Variants in RASGRF1 observed in about 807,000 individuals in gnomAD.
RASGRF1 encodes Ras protein specific guanine nucleotide releasing factor 1, also known as ras-specific guanine nucleotide-releasing factor 1.
In RASGRF1, 40 loss-of-function variants were observed where a neutral mutation model predicts 138.7. That is an observed-to-expected ratio of 0.29 (90% CI 0.22 to 0.38). RASGRF1 has a LOEUF of 0.38. Ranked by LOEUF, RASGRF1 falls within the 10% of genes least tolerant of loss-of-function variation. The pLI, the probability that RASGRF1 is intolerant of heterozygous loss-of-function variation, is 1.00. For missense variants in RASGRF1, 1,108 were observed against 1,650.4 expected, an observed-to-expected ratio of 0.67 and a Z score of 5.69; for synonymous variants, 614 against 663.2, an observed-to-expected ratio of 0.93 and a Z score of 1.14.
At chr15:78,971,786 A>G (rs1174074474) in intron 26 of RASGRF1, 80 bp downstream of exon 26, 12 of 1,283,258 alleles carry the variant, frequency 9.4e-6, no homozygotes, top group Non-Finnish European at 1.3e-5. Context: ...GTGGACGGGT[A>G]TGGAGGGGAC....
intron 8 of RASGRF1, among the ~76,000 whole-genome samples, chr15:79,029,403 G>A (rs910650409): frequency 2.6e-5 from 4 of 152,168 alleles, no homozygotes; most frequent in African/African-American, 7.2e-5. Context: ...AACACAAGGC[G>A]GGTAATTCCA....
intron 19 of RASGRF1, among the ~76,000 whole-genome samples, 163 bp from the exon 20 acceptor site, chr15:78,995,963 T>C (rs2056383295): frequency 6.6e-6 from 1 of 152,208 alleles, no homozygotes; most frequent in African/African-American, 2.4e-5. Context: ...TTCTTCCTGA[T>C]GGTCCTGGCG....
chr15:79,012,617 T>C, intron 13 of RASGRF1: 2 of 1,535,922 alleles, frequency 1.3e-6, no homozygotes, highest in South Asian at 1.2e-5. Flanking sequence ...TTTATCACCA[T>C]CATTATTCAA....
At chr15:79,015,249 C>T (rs2056862078) in intron 13 of RASGRF1, 78 bp downstream of exon 13, 1 of 1,417,338 alleles carries the variant, frequency 7.1e-7, no homozygotes, top group Non-Finnish European at 1.0e-6. Context: ...GCTGGCTCAT[C>T]CCAGTGTCCT....
intron 26 of RASGRF1, among the ~76,000 whole-genome samples, chr15:78,962,844 C>T (rs2055573550): frequency 6.6e-6 from 1 of 152,166 alleles, no homozygotes; most frequent in African/African-American, 2.4e-5. Flanking sequence ...GTTCACACCA[C>T]TGTACCCCAG....
chr15:78,989,513 G>A (rs2056227032), intron 22 of RASGRF1, among the ~76,000 whole-genome samples: 1 of 152,066 alleles, frequency 6.6e-6, no homozygotes, highest in African/African-American at 2.4e-5. Flanking sequence ...ACATTAAAGA[G>A]AATGTTTAAT....
At chr15:79,023,475 T>C (rs78316304) in intron 10 of RASGRF1, among the ~76,000 whole-genome samples, 1 of 151,982 alleles carries the variant, frequency 6.6e-6, no homozygotes, top group East Asian at 1.9e-4. Context: ...AGACAAGTAG[T>C]GGGCTGTGTC....
intron 5 of RASGRF1, among the ~76,000 whole-genome samples, chr15:79,043,720 T>G (rs528291026): frequency 5.5e-4 from 84 of 152,298 alleles, no homozygotes; most frequent in South Asian, 1.2e-3. Context: ...TAAGGGAGCT[T>G]CTCAGGCTGA....
intron 5 of RASGRF1, among the ~76,000 whole-genome samples, chr15:79,040,256 C>A (rs1012698933): frequency 1.4e-4 from 22 of 152,082 alleles, no homozygotes; most frequent in African/African-American, 5.3e-4. Flanking sequence ...ATCCCTATAT[C>A]TACTCCATCA....
At chr15:79,083,106 G>A (rs1244155241) in intron 1 of RASGRF1, among the ~76,000 whole-genome samples, 1 of 152,202 alleles carries the variant, frequency 6.6e-6, no homozygotes, top group Non-Finnish European at 1.5e-5. Flanking sequence ...AGGATCTAAT[G>A]CCGGGTCGCC....
In RASGRF1 at chr15:78,971,929, G is replaced by A; in HGVS notation, c.3618C>T (p.Ser1206=). The part of the protein sequence containing the change: ...LVNFSKMRMI[S]HIIREIRQFQ... ...ACTGGCGAATCTCTCGGATAATATG[G>A]GATATCTGTGGGAAGGAAGGAGTGT... Residue 1206 remains serine, a synonymous_variant, in exon 26 of 27, where the codon TCC becomes TCT. Coordinates refer to ENST00000558480, the MANE Select transcript of RASGRF1 (RefSeq NM_001145648.3). The A allele has an allele frequency of 6.3e-7, 1 of 1,578,520 alleles. No individual in the cohort carries two copies. Among genetic ancestry groups the A allele is most frequent in the Non-Finnish European group, 8.7e-7 (1 of 1,147,630 alleles).
rs778149026 is a variant in RASGRF1, at chr15:79,006,263, G to A, written c.1998C>T (p.Arg666=). Reference sequence around the variant, plus strand: ...GGACCACGATGGCGGTGGTGAAGACGCGGTAGGAGTGCAGGAAGGTGTTGA... The same window carrying A: ...GGACCACGATGGCGGTGGTGAAGACACGGTAGGAGTGCAGGAAGGTGTTGA... ...DFLNTFLHSY[R]VFTTAIVVLD... is the part of the protein sequence containing the mutation. The change falls in exon 14 of 27, where the codon CGC becomes CGT. Residue 666 remains arginine, a synonymous_variant. Coordinates refer to ENST00000558480, the MANE Select transcript of RASGRF1 (RefSeq NM_001145648.3). The surrounding 1 kb of genome is among the most constrained non-coding windows in gnomAD (Gnocchi z 4.0). 1.7e-5 allele frequency: 27 copies of A among 1,614,078 alleles called. No individual in the cohort carries two copies. The highest frequency in any genetic ancestry group is 4.4e-5 in the South Asian group (4 of 91,086).
In RASGRF1 at chr15:79,006,067, C is replaced by A; in HGVS notation, c.2075+119G>T. Reference sequence around the variant, plus strand: ...CGGTGTGTGTCCCGCAGCACCCCAACACGTTACTGCTGCTCCTCCAGGGAC... The same window carrying A: ...CGGTGTGTGTCCCGCAGCACCCCAAAACGTTACTGCTGCTCCTCCAGGGAC... On this transcript the variant is annotated intron_variant, in intron 14 of 26. Transcript: ENST00000558480. The surrounding 1 kb of genome is among the most constrained non-coding windows in gnomAD (Gnocchi z 4.0). 2 of 1,417,168 alleles carry A rather than the reference C, an allele frequency of 1.4e-6. No homozygotes were observed. Among genetic ancestry groups the A allele is most frequent in the African/African-American group, 1.4e-5 (1 of 71,116 alleles). The allele number at this position is 1,417,168 out of a possible 1,614,324, so 87.8% of individuals were successfully genotyped here.
intron 1 of RASGRF1, among the ~76,000 whole-genome samples, chr15:79,084,117 T>C (rs2057949049): frequency 6.6e-6 from 1 of 152,198 alleles, no homozygotes. Context: ...ACTGCTCTGA[T>C]TGATGTGGGA....
At chr15:78,995,036 T>C (rs1006028670) in intron 20 of RASGRF1, among the ~76,000 whole-genome samples, 2 of 151,266 alleles carry the variant, frequency 1.3e-5, no homozygotes, top group Non-Finnish European at 2.9e-5. Context: ...CAAGCAGTCC[T>C]CCCACTTCAA....
intron 1 of RASGRF1, among the ~76,000 whole-genome samples, chr15:79,071,954 C>T (rs2057761909): frequency 6.6e-6 from 1 of 152,188 alleles, no homozygotes; most frequent in African/African-American, 2.4e-5. Context: ...TATCTTCTGG[C>T]CCTAAGACTT....
At position 79,032,013 on chromosome 15, in the gene RASGRF1, T is replaced by G; in HGVS notation, c.1152+110A>C. 43 of 1,175,464 alleles carry G rather than the reference T, an allele frequency of 3.7e-5. No homozygotes were observed. Among genetic ancestry groups the G allele is most frequent in the Non-Finnish European group, 4.4e-5 (37 of 849,152 alleles). The allele number at this position is 1,175,464 out of a possible 1,614,324, so 72.8% of individuals were successfully genotyped here. ...GGCCCTGACCACCTCCCCCGCCCCC[T>G]TTGGCAGCCCAGAGCTGGGGTGCGT... On this transcript the variant is annotated intron_variant, in intron 7 of 26. Transcript: ENST00000558480. This position sits in a 1 kb window ranked among gnomAD's most constrained non-coding sequence, Gnocchi z 4.5.
intron 5 of RASGRF1, among the ~76,000 whole-genome samples, chr15:79,044,966 G>A (rs996418848): frequency 2.6e-5 from 4 of 152,014 alleles, no homozygotes; most frequent in Non-Finnish European, 4.4e-5. Context: ...ATAAAATTAC[G>A]AAAAGGTAAC....
chr15:79,031,295 C>T (rs891351602), intron 8 of RASGRF1, 105 bp downstream of exon 8: 6 of 871,000 alleles, frequency 6.9e-6, no homozygotes, highest in Admixed American at 4.5e-5. Flanking sequence ...CTTACAATCC[C>T]CATCTGAACT....
Sources: allele counts gnomAD v4.1 joint callset (sites outside exome capture counted in the v4.1 genomes callset), GRCh38; gene constraint gnomAD v4.1.1; non-coding constraint Gnocchi (gnomAD v3.1); transcripts MANE v1.5; gene names NCBI Gene and HGNC (gene_info 2026-07-23, HGNC 2026-07-21).